SH3PXD2A: variants seen among roughly 807,000 people sequenced by gnomAD.
The protein encoded by SH3PXD2A is SH3 and PX domain-containing protein 2A.
A neutral mutation model predicts 115.2 loss-of-function variants in SH3PXD2A; 32 were observed. That is an observed-to-expected ratio of 0.28 (90% CI 0.21 to 0.37). The LOEUF is 0.37. Ranked by LOEUF, SH3PXD2A falls within the 10% of genes least tolerant of loss-of-function variation. The probability of loss-of-function intolerance (pLI) is 1.00; values close to 1 mark genes in which losing one functional copy is unlikely to be tolerated. For synonymous variants in SH3PXD2A, 610 were observed against 629.1 expected, an observed-to-expected ratio of 0.97 and a Z score of 0.45; for missense variants, 1,328 against 1,498.7, an observed-to-expected ratio of 0.89 and a Z score of 1.88.
chr10:103,729,890 C>T (rs2038293768), intron 4 of SH3PXD2A, among the ~76,000 whole-genome samples: 1 of 152,188 alleles, frequency 6.6e-6, no homozygotes, highest in Non-Finnish European at 1.5e-5. Flanking sequence ...GGGGCCATGA[C>T]ATGAGCCACC....
intron 3 of SH3PXD2A, among the ~76,000 whole-genome samples, chr10:103,742,082 G>A (rs369808531): frequency 7.2e-5 from 11 of 152,228 alleles, no homozygotes; most frequent in African/African-American, 2.4e-4. Flanking sequence ...CTGGGGGGTT[G>A]AGGCTGCACT....
At chr10:103,822,488 TTC>T in intron 1 of SH3PXD2A, among the ~76,000 whole-genome samples, 2 of 152,334 alleles carry the variant, frequency 1.3e-5, no homozygotes, top group Middle Eastern at 6.8e-3. Context: ...AACACCAAAC[TTC>T]TCATTCAGCC....
chr10:103,629,723 G>C (rs80052893), intron 8 of SH3PXD2A, among the ~76,000 whole-genome samples: 6,612 of 152,296 alleles, frequency 0.043, 478 homozygotes, highest in African/African-American at 0.15. Flanking sequence ...GGGTTTCACT[G>C]TCTACTTCCC....
At chr10:103,629,321 C>A (rs938105120) in intron 8 of SH3PXD2A, among the ~76,000 whole-genome samples, 1 of 152,222 alleles carries the variant, frequency 6.6e-6, no homozygotes, top group Non-Finnish European at 1.5e-5. Flanking sequence ...GCTGGCAGGT[C>A]AGAGACTTCT....
In SH3PXD2A at chr10:103,633,867, C is replaced by A. The variant is rs893427167; in HGVS notation, c.605-6665G>T. Reference sequence around the variant, plus strand: ...GCTCCTGGTCAGCAGTTAATGTGGTCCAGCCACCATAGAAGCTTCTGGTGC... The same window carrying A: ...GCTCCTGGTCAGCAGTTAATGTGGTACAGCCACCATAGAAGCTTCTGGTGC... On this transcript the variant is annotated intron_variant, in intron 8 of 14. Coordinates refer to ENST00000369774, the MANE Select transcript of SH3PXD2A (RefSeq NM_001394015.1). Among the ~76,000 whole-genome samples the A allele has an allele frequency of 4.6e-5, 7 of 152,034 alleles. No homozygotes were observed. The East Asian group carries it at 1.2e-3, about 25-fold the overall frequency.
At chr10:103,761,537 T>C (rs2038699780) in intron 3 of SH3PXD2A, among the ~76,000 whole-genome samples, 1 of 152,222 alleles carries the variant, frequency 6.6e-6, no homozygotes, top group Admixed American at 6.5e-5. Context: ...AGTGGTTTAA[T>C]TGCAAGAAAA....
At chr10:103,805,344 C>A (rs2134269672) in intron 1 of SH3PXD2A, among the ~76,000 whole-genome samples, 1 of 152,318 alleles carries the variant, frequency 6.6e-6, no homozygotes, top group South Asian at 2.1e-4. Flanking sequence ...GGGTGCAGCA[C>A]CCTCCTTATT....
chr10:103,774,330 T>A (rs1564885892), intron 2 of SH3PXD2A, among the ~76,000 whole-genome samples: 1 of 152,230 alleles, frequency 6.6e-6, no homozygotes, highest in Non-Finnish European at 1.5e-5. Context: ...GCCATTTCCA[T>A]ACTAGCGGTT....
intron 6 of SH3PXD2A, 97 bp from the exon 7 acceptor site, chr10:103,668,749 G>C (rs1290272948): frequency 9.2e-7 from 1 of 1,089,402 alleles, no homozygotes; most frequent in Non-Finnish European, 1.4e-6. Flanking sequence ...GGCTGCAGGC[G>C]CCGCGCTCGG....
chr10:103,754,213 C>T (rs2038613064), intron 3 of SH3PXD2A: 1 of 151,932 alleles, frequency 6.6e-6, no homozygotes, highest in Non-Finnish European at 1.5e-5. Context: ...AAATTAAAAC[C>T]AATTTTGTTT....
intron 5 of SH3PXD2A, among the ~76,000 whole-genome samples, chr10:103,702,335 A>G (rs2037924543): frequency 6.6e-6 from 1 of 152,228 alleles, no homozygotes; most frequent in Non-Finnish European, 1.5e-5. Context: ...AACACCCACG[A>G]AAAGACAACA....
intron 1 of SH3PXD2A, among the ~76,000 whole-genome samples, chr10:103,846,202 A>C (rs1352455733): frequency 6.6e-6 from 1 of 152,276 alleles, no homozygotes; most frequent in Non-Finnish European, 1.5e-5. Context: ...ATGACAGCAC[A>C]GGGACAGAGA....
chr10:103,810,983 C>G (rs1388340692), intron 1 of SH3PXD2A, among the ~76,000 whole-genome samples: 1 of 144,964 alleles, frequency 6.9e-6, no homozygotes, highest in African/African-American at 2.5e-5. Flanking sequence ...CACACACACA[C>G]GGCAGTGGTG....
intron 1 of SH3PXD2A, among the ~76,000 whole-genome samples, chr10:103,845,797 C>T (rs193263540): frequency 3.3e-5 from 5 of 152,262 alleles, no homozygotes; most frequent in East Asian, 3.9e-4. Context: ...TGATACAATA[C>T]GTGCCAAGGT....
chr10:103,599,586 T>C lies in SH3PXD2A; in HGVS notation c.*2230A>G, dbSNP rs964440098. On this transcript the variant is annotated 3_prime_UTR_variant, in exon 15 of 15. Transcript: ENST00000369774. ...TTTCTCTTAATAAATATGTGCTGTT[T>C]AAAAATGAGAAAAGTATATACTGCA... 3.3e-5 allele frequency: 5 copies of C among 152,628 alleles called. No homozygotes were observed. The highest frequency in any genetic ancestry group is 4.8e-5 in the African/African-American group (2 of 41,456). 9.5% of individuals were successfully genotyped at this position (152,628 alleles called of 1,614,324 possible).
In SH3PXD2A at chr10:103,855,249, C is replaced by T. The variant is rs975781724; in HGVS notation, c.18G>A (p.Val6=). The T allele has an allele frequency of 1.4e-5, 22 of 1,535,508 alleles. No homozygotes were observed. The highest frequency in any genetic ancestry group is 1.9e-5 in the Non-Finnish European group (22 of 1,139,232). MLAYC[V]QDATVVDVEK... ...CCACGTCCACCACGGTGGCATCCTG[C>T]ACGCAGTAGGCGAGCATCTTCCCCC... Residue 6 remains valine, a synonymous_variant, in exon 1 of 15, where the codon GTG becomes GTA. Transcript: ENST00000369774.
intron 8 of SH3PXD2A, among the ~76,000 whole-genome samples, chr10:103,633,620 T>G (rs1277392882): frequency 4.7e-4 from 61 of 128,564 alleles, no homozygotes; most frequent in Middle Eastern, 5.6e-3. Context: ...CCCAGCTACT[T>G]GGGAGGCTGA....
chr10:103,705,514 C>T (rs1454690189), intron 5 of SH3PXD2A, among the ~76,000 whole-genome samples: 4 of 152,202 alleles, frequency 2.6e-5, no homozygotes, highest in Non-Finnish European at 5.9e-5. Context: ...TCACTACATG[C>T]CTGTGTGGCA....
rs1162796644 is a variant in SH3PXD2A at position 103,602,977 on chromosome 10, G to A, written c.2241C>T (p.Thr747=). The part of the protein sequence containing the change: ...KKDADANAGL[T]SCPRAKPSVR... ...CCGATGGCTTGGCCCGGGGACAGGAGGTCAGCCCAGCGTTCGCATCAGCAT... is the reference window on the plus strand; with the variant it reads ...CCGATGGCTTGGCCCGGGGACAGGAAGTCAGCCCAGCGTTCGCATCAGCAT... Residue 747 remains threonine (T), a synonymous_variant, in exon 15 of 15, where the codon ACC becomes ACT. Transcript: ENST00000369774. The A allele has an allele frequency of 1.9e-6, 3 of 1,614,124 alleles. No homozygotes were observed. The highest frequency in any genetic ancestry group is 1.3e-5 in the African/African-American group (1 of 74,952).
Sources: gnomAD v4.1 joint callset for allele counts (sites outside exome capture counted in the v4.1 genomes callset) on GRCh38, gnomAD v4.1.1 for gene constraint, MANE v1.5 for transcripts, NCBI Gene and HGNC (gene_info 2026-07-23, HGNC 2026-07-21) for gene names.